ADGRG2: variants seen among roughly 807,000 people sequenced by gnomAD.
ADGRG2 encodes adhesion G protein-coupled receptor G2, also known as G protein-coupled receptor 64.
In ADGRG2, 26 loss-of-function variants were observed where a neutral mutation model predicts 74.1. The observed-to-expected ratio is 0.35, with a 90% CI of 0.26 to 0.49. ADGRG2 has a LOEUF of 0.49. ADGRG2 is among the 20% of genes least tolerant of loss of function. The pLI is 0.99. For synonymous variants in ADGRG2, 296 were observed against 295.2 expected, an observed-to-expected ratio of 1.00 and a Z score of -0.03; for missense variants, 619 against 763.1, an observed-to-expected ratio of 0.81 and a Z score of 2.22.
intron 19 of ADGRG2, 124 bp from the exon 20 acceptor site, chrX:19,007,481 G>A: frequency 3.2e-6 from 2 of 623,595 alleles, no homozygotes; most frequent in Non-Finnish European, 5.0e-6. Flanking sequence ...CGAGGGACAA[G>A]GAGGAAAGTG....
chrX:19,016,222 C>T (rs1055702654), intron 15 of ADGRG2, among the ~76,000 whole-genome samples: 4 of 112,276 alleles, frequency 3.6e-5, no homozygotes, highest in Admixed American at 2.8e-4. Flanking sequence ...TAGAGCTTGA[C>T]GAATTTTATA....
At chrX:19,108,247 G>A (rs1179057692) in intron 1 of ADGRG2, among the ~76,000 whole-genome samples, 1 of 110,634 alleles carries the variant, frequency 9.0e-6, no homozygotes. Context: ...CGGGCAGGTT[G>A]CTTGAGGAGT....
At position 19,052,566 on chromosome X, in the gene ADGRG2, T is replaced by TTA. The variant is rs1452964884; in HGVS notation, c.119-12344_119-12343dup. Among the ~76,000 whole-genome samples the TTA allele has an allele frequency of 6.4e-5, 7 of 108,801 alleles. No individual in the cohort carries two copies. In the East Asian group the frequency reaches 2.0e-3, roughly 30 times the overall value. The allele number at this position is 108,801 out of a possible 115,157, so 94.5% of individuals were successfully genotyped here. A position where few individuals can be genotyped will look rare whatever the true frequency, so the allele number is the denominator to read the frequency against. On this transcript the variant is annotated intron_variant, in intron 3 of 28. Coordinates refer to ENST00000379869, the MANE Select transcript of ADGRG2 (RefSeq NM_001079858.3). ...TATTTTTATATTTATTATATATTAT[T>TTA]TATATATATAAAACCACAAATTATA...
At chrX:18,993,865 G>C (rs2059968819) in intron 28 of ADGRG2, among the ~76,000 whole-genome samples, 1 of 111,514 alleles carries the variant, frequency 9.0e-6, no homozygotes, top group Non-Finnish European at 1.9e-5. Flanking sequence ...TATACCAGCA[G>C]AGCTTATGTT....
chrX:19,041,685 G>A (rs1252741209), intron 3 of ADGRG2, among the ~76,000 whole-genome samples: 1 of 112,102 alleles, frequency 8.9e-6, no homozygotes, highest in African/African-American at 3.2e-5. Context: ...CAAGGCAAAT[G>A]TAGGCAAGTG....
rs769384960 is a variant in ADGRG2 at position 19,014,048 on chromosome X, A to G, written c.737T>C (p.Leu246Pro). ...QCDLQDPIVC[L>P]ADHPRGPPFS... The stretch of plus-strand genomic sequence containing the variant: ...TGGTGGGCCACGTGGATGGTCAGCA[A>G]GACAGACAATGGGATCCTGCAGGTC... Residue 246 changes from leucine to proline, a missense_variant, in exon 16 of 29, where the codon CTT becomes CCT. This residue lies in a region of ADGRG2 where 292 missense variants were observed against 318.0 expected (regional missense o/e 0.92). Coordinates refer to ENST00000379869, the MANE Select transcript of ADGRG2 (RefSeq NM_001079858.3). 5.8e-6 allele frequency: 7 copies of G among 1,203,968 alleles called. No homozygotes were observed. In the African/African-American group the frequency reaches 7.0e-5, roughly 12 times the overall value.
intron 2 of ADGRG2, among the ~76,000 whole-genome samples, chrX:19,074,548 T>C (rs1362272282): frequency 1.1e-5 from 1 of 87,099 alleles, no homozygotes; most frequent in Non-Finnish European, 2.1e-5. Context: ...ATTTTCTTTC[T>C]TCTTCTTCTT....
chrX:19,102,912 A>G (rs1372749655), intron 1 of ADGRG2, among the ~76,000 whole-genome samples: 1 of 111,393 alleles, frequency 9.0e-6, no homozygotes, highest in Non-Finnish European at 1.9e-5. Context: ...AGACCACTCA[A>G]TCTATGGTAT....
At chrX:19,035,903 CAGA>C (rs771101344) in intron 7 of ADGRG2, 36 bp downstream of exon 7, 1 of 771,939 alleles carries the variant, frequency 1.3e-6, no homozygotes, top group African/African-American at 2.1e-5. Flanking sequence ...CAAGAGGCTG[CAGA>C]AGAAGCTATT....
In ADGRG2 at chrX:19,091,448, AAAGT is replaced by A. The variant is rs1387254260; in HGVS notation, c.-46-8706_-46-8703del. Among the ~76,000 whole-genome samples the A allele has an allele frequency of 2.7e-5, 3 of 109,354 alleles. No individual in the cohort carries two copies. In the East Asian group the frequency reaches 8.6e-4, roughly 31 times the overall value. 95.0% of individuals were successfully genotyped at this position (109,354 alleles called of 115,157 possible). A position where few individuals can be genotyped will look rare whatever the true frequency, so the allele number is the denominator to read the frequency against. On this transcript the variant is annotated intron_variant, in intron 1 of 28. Coordinates refer to ENST00000379869, the MANE Select transcript of ADGRG2 (RefSeq NM_001079858.3). ...GAGCAATTCAGTAAAACAAAAATAC[AAAGT>A]AAGAGTTAGAATCAAGAAATGGAGA...
At chrX:19,115,589 C>T (rs1034898038) in intron 1 of ADGRG2, among the ~76,000 whole-genome samples, 1 of 110,428 alleles carries the variant, frequency 9.1e-6, no homozygotes, top group Non-Finnish European at 1.9e-5. Flanking sequence ...AACATAAGCA[C>T]GGAGGAGGCT....
chrX:19,121,182 CCT>C (rs1029863672), intron 1 of ADGRG2, among the ~76,000 whole-genome samples: 1 of 111,821 alleles, frequency 8.9e-6, no homozygotes, highest in African/African-American at 3.2e-5. Context: ...CTCTTCTCCC[CCT>C]CTCACAACCT....
intron 4 of ADGRG2, among the ~76,000 whole-genome samples, chrX:19,039,887 C>T (rs1480225578): frequency 8.9e-6 from 1 of 112,127 alleles, no homozygotes; most frequent in Admixed American, 9.5e-5. Context: ...TGATACTCTT[C>T]AAGAGACTTG....
At chrX:19,025,433 A>G (rs2060680964) in intron 11 of ADGRG2, among the ~76,000 whole-genome samples, 1 of 111,220 alleles carries the variant, frequency 9.0e-6, no homozygotes, top group South Asian at 3.8e-4. Context: ...TTGGTTTCCT[A>G]TCTCAGAGAG....
chrX:19,110,349 T>G (rs113512848), intron 1 of ADGRG2, among the ~76,000 whole-genome samples: 6,792 of 110,496 alleles, frequency 0.061, 512 homozygotes, highest in African/African-American at 0.21. Context: ...AGAGGAGATA[T>G]TTAAACTGAG....
At chrX:19,044,536 C>T (rs1231800552) in intron 3 of ADGRG2, among the ~76,000 whole-genome samples, 1 of 112,171 alleles carries the variant, frequency 8.9e-6, no homozygotes, top group East Asian at 2.8e-4. Context: ...AGTCTTTCCA[C>T]CATACTCAGA....
chrX:19,049,994 A>G (rs894081494), intron 3 of ADGRG2, among the ~76,000 whole-genome samples: 1 of 111,251 alleles, frequency 9.0e-6, no homozygotes, highest in East Asian at 2.8e-4. Context: ...AATTTCCCTT[A>G]GTTCACACCA....
At chrX:19,005,978 G>C in intron 22 of ADGRG2, 24 bp downstream of exon 22, 1 of 1,016,064 alleles carries the variant, frequency 9.8e-7, no homozygotes, top group East Asian at 3.0e-5. Flanking sequence ...CAGAATTTAA[G>C]GCCACGTGGC....
chrX:19,056,031 G>T (rs1354908095), intron 3 of ADGRG2, among the ~76,000 whole-genome samples: 1 of 109,720 alleles, frequency 9.1e-6, no homozygotes, highest in East Asian at 2.9e-4. Flanking sequence ...ATTGCACCTG[G>T]CCAGGTGGGA....
Sources: allele counts gnomAD v4.1 joint callset (sites outside exome capture counted in the v4.1 genomes callset), GRCh38; gene constraint gnomAD v4.1.1; regional missense constraint gnomAD v4.1.1; transcripts MANE v1.5; gene names NCBI Gene and HGNC (gene_info 2026-07-23, HGNC 2026-07-21).